CDH20: variants seen among roughly 807,000 people sequenced by gnomAD.
CDH20 encodes the protein cadherin 20.
In CDH20, 29 loss-of-function variants were observed where a neutral mutation model predicts 74.2. That is an observed-to-expected ratio of 0.39 (90% confidence interval 0.29 to 0.53). The LOEUF is 0.53. CDH20 is among the 20% of genes least tolerant of loss of function. CDH20 has a pLI of 0.69. For synonymous variants in CDH20, 469 were observed against 405.4 expected, an observed-to-expected ratio of 1.16 and a Z score of -1.88; for missense variants, 988 against 1,048.3, an observed-to-expected ratio of 0.94 and a Z score of 0.79.
intron 6 of CDH20, among the ~76,000 whole-genome samples, chr18:61,508,961 A>C (rs568869999): frequency 6.6e-6 from 1 of 152,302 alleles, no homozygotes. Flanking sequence ...ATTCTAAGTG[A>C]TGTAACTCCA....
At chr18:61,550,895 G>A (rs954769622) in intron 11 of CDH20, among the ~76,000 whole-genome samples, 1 of 152,234 alleles carries the variant, frequency 6.6e-6, no homozygotes, top group African/African-American at 2.4e-5. Flanking sequence ...GAGAGCTGAA[G>A]GAAGTGATGG....
rs529808904 is a variant in CDH20, at chr18:61,500,317, G to T, written c.542-66G>T. 1.9e-6 allele frequency: 3 copies of T among 1,538,920 alleles called. No homozygotes were observed. In the South Asian group the frequency reaches 3.8e-5, roughly 19 times the overall value. The stretch of plus-strand genomic sequence containing the variant: ...ATTTGCAAATGCTTTAAGATGGACC[G>T]CTCAGGATTGCATCCAGCCTTTAGC... On this transcript the variant is annotated intron_variant, in intron 3 of 11. Coordinates refer to ENST00000262717, the MANE Select transcript of CDH20 (RefSeq NM_031891.4).
intron 9 of CDH20, among the ~76,000 whole-genome samples, chr18:61,542,560 G>A (rs990161698): frequency 2.6e-5 from 4 of 152,212 alleles, no homozygotes; most frequent in African/African-American, 4.8e-5. Context: ...AGCCAGACCC[G>A]TATACTATCA....
intron 9 of CDH20, among the ~76,000 whole-genome samples, chr18:61,541,273 G>A (rs1913026726): frequency 6.6e-6 from 1 of 151,044 alleles, no homozygotes; most frequent in African/African-American, 2.4e-5. Flanking sequence ...AATAATTTTT[G>A]TTTTATATTA....
chr18:61,506,371 TCTC>T (rs1911560768), intron 5 of CDH20, among the ~76,000 whole-genome samples: 1 of 152,148 alleles, frequency 6.6e-6, no homozygotes, highest in Non-Finnish European at 1.5e-5. Flanking sequence ...CATCATTTCT[TCTC>T]CTGCGCAAGG....
chr18:61,534,936 C>A (rs1277572153), intron 7 of CDH20, among the ~76,000 whole-genome samples: 1 of 151,960 alleles, frequency 6.6e-6, no homozygotes, highest in Admixed American at 6.6e-5. Context: ...GTTAATTAGC[C>A]TGATTTGATC....
At chr18:61,393,120 G>A (rs1237902373) in intron 1 of CDH20, among the ~76,000 whole-genome samples, 1 of 152,138 alleles carries the variant, frequency 6.6e-6, no homozygotes, top group Admixed American at 6.5e-5. Flanking sequence ...ATGTTGAATT[G>A]ATTCCAGATT....
chr18:61,484,194 G>T (rs967370562), intron 1 of CDH20, among the ~76,000 whole-genome samples: 9 of 152,200 alleles, frequency 5.9e-5, no homozygotes, highest in African/African-American at 1.9e-4. Context: ...AATGAGCACA[G>T]ATTTAATGCA....
intron 1 of CDH20, among the ~76,000 whole-genome samples, chr18:61,343,214 T>A (rs1301867566): frequency 1.3e-5 from 2 of 152,258 alleles, no homozygotes; most frequent in African/African-American, 4.8e-5. Flanking sequence ...AGGTTCCCAA[T>A]GCTCTGCTCT....
At chr18:61,465,101 A>G (rs1333249829) in intron 1 of CDH20, among the ~76,000 whole-genome samples, 1 of 152,248 alleles carries the variant, frequency 6.6e-6, no homozygotes, top group African/African-American at 2.4e-5. Flanking sequence ...TATTTTAAAC[A>G]TGCTCTTCAC....
intron 1 of CDH20, among the ~76,000 whole-genome samples, chr18:61,487,685 G>A (rs952908153): frequency 6.6e-6 from 1 of 152,156 alleles, no homozygotes; most frequent in Non-Finnish European, 1.5e-5. Context: ...GGAGGCCAAA[G>A]TAGAAAAGAG....
chr18:61,522,804 A>G (rs1275446370), intron 6 of CDH20, among the ~76,000 whole-genome samples: 1 of 152,226 alleles, frequency 6.6e-6, no homozygotes, highest in Non-Finnish European at 1.5e-5. Context: ...GACAAAAACA[A>G]TCAATGGGGA....
intron 6 of CDH20, among the ~76,000 whole-genome samples, chr18:61,524,209 C>G (rs1173196716): frequency 6.6e-6 from 1 of 152,020 alleles, no homozygotes; most frequent in East Asian, 1.9e-4. Flanking sequence ...AGATGCATCA[C>G]GAGGCAGTAA....
chr18:61,512,768 G>C (rs1420855100), intron 6 of CDH20, among the ~76,000 whole-genome samples: 2 of 152,186 alleles, frequency 1.3e-5, no homozygotes, highest in Non-Finnish European at 2.9e-5. Flanking sequence ...GTACCCAGTA[G>C]TCATTCAGGA....
In CDH20 at chr18:61,538,608, G is replaced by GTTTTTTT. The variant is rs1449356386; in HGVS notation, c.1409-411_1409-410insTTTTTTT. Among the ~76,000 whole-genome samples the GTTTTTTT allele has an allele frequency of 5.3e-3, 194 of 36,290 alleles. 25 individuals carry two copies. The highest frequency in any genetic ancestry group is 0.021 in the Middle Eastern group (1 of 48). The allele number at this position is 36,290 out of a possible 152,430, so 23.8% of individuals were successfully genotyped here. On this transcript the variant is annotated intron_variant, in intron 8 of 11. Transcript: ENST00000262717. ...TGTTTGTTTGTTTGTTTTTGTTTTT[G>GTTTTTTT]TTTTTGTTTTTGTTTTGTTTTTTTT...
At position 61,554,296 on chromosome 18, in the gene CDH20, C is replaced by T. The variant is rs759728541; in HGVS notation, c.2007C>T (p.Gly669=). ...ACATCGTCCGCTACGACGACGAGGG[C>T]GGCGGCGAGGAGGACACCGAGGCCT... ...HENIVRYDDE[G]GGEEDTEAFD... The change falls in exon 12 of 12, where the codon GGC becomes GGT. Residue 669 remains glycine (G), a synonymous_variant. Transcript: ENST00000262717. 6.2e-7 allele frequency: 1 copy of T among 1,613,904 alleles called. No individual in the cohort carries two copies.
intron 1 of CDH20, among the ~76,000 whole-genome samples, chr18:61,351,678 G>T (rs995473709): frequency 1.3e-5 from 2 of 151,950 alleles, no homozygotes; most frequent in African/African-American, 4.8e-5. Context: ...TATGGGGATA[G>T]TTTTAAAAAG....
At chr18:61,409,373 G>A (rs186720433) in intron 1 of CDH20, among the ~76,000 whole-genome samples, 1 of 152,256 alleles carries the variant, frequency 6.6e-6, no homozygotes, top group African/African-American at 2.4e-5. Context: ...GCCTGAGCCT[G>A]GGACAGGCTC....
intron 6 of CDH20, among the ~76,000 whole-genome samples, chr18:61,514,672 G>A (rs1599138962): frequency 1.3e-5 from 2 of 149,842 alleles, no homozygotes; most frequent in East Asian, 4.0e-4. Context: ...GTACAGATGG[G>A]TTTTTGGTGT....
Sources: allele counts gnomAD v4.1 joint callset (sites outside exome capture counted in the v4.1 genomes callset), GRCh38; gene constraint gnomAD v4.1.1; transcripts MANE v1.5; gene names NCBI Gene and HGNC (gene_info 2026-07-23, HGNC 2026-07-21).